Variants in RNF169 observed in about 807,000 individuals in gnomAD.
The protein encoded by RNF169 is ring finger protein 169.
A neutral mutation model predicts 53.9 loss-of-function variants in RNF169; 24 were observed. The observed-to-expected ratio is 0.45, with a 90% CI of 0.32 to 0.63. RNF169 has a LOEUF of 0.63. RNF169 is among the 20% of genes least tolerant of loss of function. RNF169 has a pLI of 0.04. For missense variants in RNF169, 883 were observed against 906.2 expected, an observed-to-expected ratio of 0.97 and a Z score of 0.33; for synonymous variants, 396 against 363.5, an observed-to-expected ratio of 1.09 and a Z score of -1.02.
intron 1 of RNF169, among the ~76,000 whole-genome samples, chr11:74,770,233 G>A (rs1565172843): frequency 2.0e-5 from 3 of 152,218 alleles, no homozygotes; most frequent in African/African-American, 4.8e-5. Context: ...GCCCATTCCT[G>A]GGCCTTGGGC....
chr11:74,754,647 C>G (rs1487322265), intron 1 of RNF169, among the ~76,000 whole-genome samples: 1 of 152,072 alleles, frequency 6.6e-6, no homozygotes, highest in African/African-American at 2.4e-5. Flanking sequence ...ATGGGGAAAC[C>G]CTGTCTTTAC....
rs1289502994 is a variant in RNF169 at position 74,834,723 on chromosome 11, C to T, written c.890C>T (p.Ala297Val). ...VERSQSCSDT[A>V]QERAKSRVRA... ...AGGAGTCAGAGCTGTAGTGACACAG[C>T]CCAGGAAAGAGCGAAGAGCAGAGTC... Residue 297 changes from alanine (A) to valine (V), a missense_variant, in exon 5 of 6, where the codon GCC becomes GTC. Ala to Val is a moderately conservative substitution (Grantham distance 64). Coordinates refer to ENST00000299563, the MANE Select transcript of RNF169 (RefSeq NM_001098638.2). 6.2e-7 allele frequency: 1 copy of T among 1,613,712 alleles called. No individual in the cohort carries two copies. The highest frequency in any genetic ancestry group is 1.3e-5 in the African/African-American group (1 of 74,868).
intron 2 of RNF169, among the ~76,000 whole-genome samples, chr11:74,798,352 C>G (rs1233621079): frequency 6.6e-6 from 1 of 152,170 alleles, no homozygotes; most frequent in Non-Finnish European, 1.5e-5. Context: ...AACTGGCCCC[C>G]CTGGGCGTGG....
intron 2 of RNF169, among the ~76,000 whole-genome samples, chr11:74,793,635 G>A (rs1256751151): frequency 6.6e-6 from 1 of 152,188 alleles, no homozygotes; most frequent in African/African-American, 2.4e-5. Context: ...AGGACAGGGA[G>A]CTGTGTTCTT....
At chr11:74,827,426 T>C (rs1381645051) in intron 4 of RNF169, among the ~76,000 whole-genome samples, 3 of 152,232 alleles carry the variant, frequency 2.0e-5, no homozygotes, top group African/African-American at 4.8e-5. Context: ...GTGAAGACAT[T>C]TTCCCCATTG....
chr11:74,803,134 C>T (rs1286053966), intron 2 of RNF169, among the ~76,000 whole-genome samples: 3 of 149,700 alleles, frequency 2.0e-5, no homozygotes, highest in Admixed American at 2.0e-4. Context: ...GTCACCCAGG[C>T]TGGAGTGCAG....
intron 1 of RNF169, among the ~76,000 whole-genome samples, chr11:74,763,092 G>T (rs1325338209): frequency 1.3e-5 from 2 of 152,176 alleles, no homozygotes; most frequent in African/African-American, 4.8e-5. Flanking sequence ...TGAGCTCTAT[G>T]CAAAGAGAAA....
Position 74,749,252 on chromosome 11 carries a change from C to G in RNF169, c.372C>G (p.Ala124=). The G allele has an allele frequency of 9.1e-7, 1 of 1,101,946 alleles. No homozygotes were observed. The highest frequency in any genetic ancestry group is 1.1e-6 in the Non-Finnish European group (1 of 906,596). The allele number at this position is 1,101,946 out of a possible 1,614,324, so 68.3% of individuals were successfully genotyped here. ...ARRRARDDGQ[A]DSEVLGECAR... ...GTCGGGCCCGCGACGACGGCCAGGC[C>G]GACTCAGAGGTGCTGGGCGAGTGCG... is the stretch of plus-strand genomic sequence containing the variant. Residue 124 remains alanine (A), a synonymous_variant, in exon 1 of 6, where the codon GCC becomes GCG. Transcript: ENST00000299563.
At chr11:74,803,954 A>G (rs1023887596) in intron 2 of RNF169, among the ~76,000 whole-genome samples, 7 of 152,230 alleles carry the variant, frequency 4.6e-5, no homozygotes, top group African/African-American at 1.7e-4. Context: ...CCCATATCAT[A>G]TACTATATAC....
intron 2 of RNF169, among the ~76,000 whole-genome samples, chr11:74,800,327 AT>A (rs2035711365): frequency 6.6e-6 from 1 of 152,096 alleles, no homozygotes; most frequent in Non-Finnish European, 1.5e-5. Flanking sequence ...TTTTTTGTTT[AT>A]TGCAGACTTT....
At chr11:74,782,704 A>G (rs2035433610) in intron 1 of RNF169, among the ~76,000 whole-genome samples, 1 of 152,176 alleles carries the variant, frequency 6.6e-6, no homozygotes, top group African/African-American at 2.4e-5. Context: ...TTTAAAGAAA[A>G]CACATTAGTC....
At chr11:74,809,744 C>T (rs546999688) in intron 2 of RNF169, among the ~76,000 whole-genome samples, 7 of 152,318 alleles carry the variant, frequency 4.6e-5, no homozygotes, top group Non-Finnish European at 8.8e-5. Flanking sequence ...AAATGTAGGA[C>T]ATTAGAACTG....
chr11:74,835,547 T>A lies in RNF169; in HGVS notation c.944T>A (p.Val315Asp), dbSNP rs763427640. The part of the protein sequence containing the change: ...VRAVPGNKAK[V>D]TTMTPASNPI... ...CATAATCTTTTTAATCTCTTTCAGG[T>A]CACAACTATGACTCCAGCCTCCAAC... Residue 315 changes from valine (V) to aspartate (D), a missense_variant and splice_region_variant, in exon 6 of 6, where the codon GTC becomes GAC. Transcript: ENST00000299563. 3 of 1,612,020 alleles carry A rather than the reference T, an allele frequency of 1.9e-6. No homozygotes were observed. Among genetic ancestry groups the A allele is most frequent in the Admixed American group, 3.3e-5 (2 of 59,942 alleles).
intron 1 of RNF169, among the ~76,000 whole-genome samples, chr11:74,775,969 A>G (rs2035327112): frequency 6.6e-6 from 1 of 152,184 alleles, no homozygotes; most frequent in African/African-American, 2.4e-5. Flanking sequence ...TTTTCTTTAT[A>G]TGTCATGATT....
At chr11:74,833,092 T>C (rs1189441636) in intron 4 of RNF169, among the ~76,000 whole-genome samples, 5 of 152,214 alleles carry the variant, frequency 3.3e-5, no homozygotes, top group Non-Finnish European at 7.3e-5. Flanking sequence ...CTCTTTCTCC[T>C]ATTAACACTA....
chr11:74,788,369 C>T (rs371433656), intron 1 of RNF169, among the ~76,000 whole-genome samples: 32 of 152,046 alleles, frequency 2.1e-4, no homozygotes, highest in African/African-American at 7.5e-4. Context: ...TTTTTGCCAC[C>T]TTTTGGTCTG....
chr11:74,836,497 G>C lies in RNF169; in HGVS notation c.1894G>C (p.Glu632Gln), dbSNP rs748936283. The change falls in exon 6 of 6, where the codon GAA becomes CAA. Residue 632 changes from glutamate (E) to glutamine (Q), a missense_variant. Glu to Gln is a conservative substitution (Grantham distance 29). Transcript: ENST00000299563. The part of the protein sequence containing the change: ...RKRHCKTKHL[E>Q]QNGSLKKLRQ... ...AAGACACTGCAAGACCAAGCACTTA[G>C]AACAAAATGGCTCCCTTAAAAAACT... The C allele has an allele frequency of 1.9e-6, 3 of 1,614,178 alleles. No individual in the cohort carries two copies. Among genetic ancestry groups the C allele is most frequent in the Non-Finnish European group, 2.5e-6 (3 of 1,180,042 alleles).
chr11:74,818,364 C>T (rs1251449227), intron 4 of RNF169, among the ~76,000 whole-genome samples: 1 of 152,082 alleles, frequency 6.6e-6, no homozygotes. Flanking sequence ...TGCTACATGC[C>T]GTGCTCTGTT....
At chr11:74,777,380 G>T (rs1384386216) in intron 1 of RNF169, among the ~76,000 whole-genome samples, 1 of 152,170 alleles carries the variant, frequency 6.6e-6, no homozygotes, top group African/African-American at 2.4e-5. Context: ...AGATGTGGTA[G>T]TGAGGACAAC....
Sources: gnomAD v4.1 joint callset for allele counts (sites outside exome capture counted in the v4.1 genomes callset) on GRCh38, gnomAD v4.1.1 for gene constraint, MANE v1.5 for transcripts, NCBI Gene and HGNC (gene_info 2026-07-23, HGNC 2026-07-21) for gene names.